PKHD1: variants seen among roughly 807,000 people sequenced by gnomAD.
PKHD1 encodes PKHD1 ciliary IPT domain containing fibrocystin/polyductin, also known as fibrocystin.
PKHD1 carries 291 observed loss-of-function variants against 412.0 expected under a neutral mutation model. The observed-to-expected ratio is 0.71, with a 90% CI of 0.64 to 0.78. PKHD1 has a LOEUF of 0.78. PKHD1 is among the 30% of genes least tolerant of loss of function. The pLI is 0.00. For missense variants in PKHD1, 4,825 were observed against 4,950.7 expected (o/e 0.97, Z 0.76); for synonymous variants, 1,777 against 1,821.5 (o/e 0.98, Z 0.62).
At chr6:52,008,649 A>G (rs1562118010) in intron 35 of PKHD1, among the ~76,000 whole-genome samples, 1 of 152,228 alleles carries the variant, frequency 6.6e-6, no homozygotes, top group Non-Finnish European at 1.5e-5. Flanking sequence ...TTCTAGCACT[A>G]TGACTAGTGA....
intron 35 of PKHD1, among the ~76,000 whole-genome samples, chr6:51,971,275 T>C (rs771348685): frequency 9.9e-5 from 15 of 152,246 alleles, no homozygotes; most frequent in Non-Finnish European, 1.8e-4. Flanking sequence ...AGAAAATTAA[T>C]ATGCCACTAT....
rs73431522 is a variant in PKHD1, at chr6:51,892,742, C to T, written c.6997-5497G>A. Reference sequence around the variant, plus strand: ...GGAAACTATTGATATCATTTAAAACCATTAGATGAGGCATCAGGCATTCCC... The same window carrying T: ...GGAAACTATTGATATCATTTAAAACTATTAGATGAGGCATCAGGCATTCCC... On this transcript the variant is annotated intron_variant, in intron 43 of 66. Coordinates refer to ENST00000371117, the MANE Select transcript of PKHD1 (RefSeq NM_138694.4). Among the ~76,000 whole-genome samples the T allele has an allele frequency of 9.9e-3, 1,506 of 152,156 alleles. 24 individuals carry two copies. The highest frequency in any genetic ancestry group is 0.034 in the African/African-American group (1,417 of 41,502).
intron 31 of PKHD1, 21 bp from the exon 32 acceptor site, chr6:52,026,202 GC>G: frequency 1.2e-6 from 2 of 1,608,722 alleles, no homozygotes; most frequent in Non-Finnish European, 1.7e-6. Context: ...AATACGGAAA[GC>G]AAAATATTAT....
At chr6:51,749,640 G>A (rs1785758811) in intron 57 of PKHD1, among the ~76,000 whole-genome samples, 1 of 152,066 alleles carries the variant, frequency 6.6e-6, no homozygotes, top group Admixed American at 6.6e-5. Context: ...AATCCTATGA[G>A]GTAGGTACAA....
intron 43 of PKHD1, among the ~76,000 whole-genome samples, chr6:51,893,418 G>A (rs1779405580): frequency 6.6e-6 from 1 of 152,112 alleles, no homozygotes; most frequent in Admixed American, 6.5e-5. Flanking sequence ...ATTTATAGGT[G>A]GGCAGGAGAC....
intron 36 of PKHD1, among the ~76,000 whole-genome samples, chr6:51,936,187 A>G (rs372653396): frequency 6.6e-6 from 1 of 152,220 alleles, no homozygotes; most frequent in African/African-American, 2.4e-5. Flanking sequence ...ATGAATGGAC[A>G]TATCTTTTTG....
chr6:52,029,571 T>A (rs1379886604), intron 29 of PKHD1, among the ~76,000 whole-genome samples: 1 of 151,996 alleles, frequency 6.6e-6, no homozygotes, highest in African/African-American at 2.4e-5. Flanking sequence ...AAGATGAGAG[T>A]TGAATTGGAG....
chr6:51,906,895 T>C (rs373150142), intron 40 of PKHD1, among the ~76,000 whole-genome samples: 12 of 152,268 alleles, frequency 7.9e-5, no homozygotes, highest in East Asian at 7.7e-4. Flanking sequence ...AAGAGGAAGC[T>C]ATCCTCTACT....
chr6:51,634,431 G>A (rs1040446831), intron 64 of PKHD1, among the ~76,000 whole-genome samples: 1 of 152,154 alleles, frequency 6.6e-6, no homozygotes, highest in Non-Finnish European at 1.5e-5. Flanking sequence ...ACAGAGATGG[G>A]GGAATAGACT....
Position 52,043,732 on chromosome 6 carries a change from T to C in PKHD1, c.2716-2A>G. The C allele has an allele frequency of 6.2e-7, 1 of 1,610,872 alleles. No individual in the cohort carries two copies. Among genetic ancestry groups the C allele is most frequent in the South Asian group, 1.1e-5 (1 of 91,016 alleles). ...TACATCATTCACTCGCACAACCACC[T>C]GAAATGAGGCAAAATTTCTTTTCCA... On this transcript the variant is annotated splice_acceptor_variant, in intron 25 of 66. Coordinates refer to ENST00000371117, the MANE Select transcript of PKHD1 (RefSeq NM_138694.4). LOFTEE classifies it high-confidence loss of function.
At position 51,836,440 on chromosome 6, in the gene PKHD1, G is replaced by A. The variant is rs1455345526; in HGVS notation, c.8137C>T (p.Leu2713Phe). The change falls in exon 51 of 67, where the codon CTC (leucine) becomes TTC (phenylalanine). Residue 2713 changes from leucine to phenylalanine, a missense_variant. Leu to Phe is a conservative substitution (Grantham distance 22). Transcript: ENST00000371117. ...VSGEGQVQVI[L>F]RVKEGMPPTI... ...GGGGGCATACCTTCCTTCACCCGGA[G>A]AATGACTTGAACTTGGCCTTCACCT... is the stretch of plus-strand genomic sequence containing the variant. The A allele has an allele frequency of 6.2e-7, 1 of 1,613,176 alleles. No homozygotes were observed. The highest frequency in any genetic ancestry group is 1.7e-5 in the Admixed American group (1 of 60,004).
At position 52,046,064 on chromosome 6, in the gene PKHD1, G is replaced by C. The variant is rs150202544; in HGVS notation, c.2532C>G (p.Tyr844Ter). Residue 844 changes from tyrosine (Y) to a stop codon, truncating the protein, a stop_gained, in exon 24 of 67, where the codon TAC becomes TAG. Transcript: ENST00000371117. LOFTEE classifies it high-confidence loss of function. Reference sequence around the variant, plus strand: ...ACCAGGACAAGGTCCACACGTGTTCGTAGCAAGTGTATAGATCCTCCTTCA... The same window carrying C: ...ACCAGGACAAGGTCCACACGTGTTCCTAGCAAGTGTATAGATCCTCCTTCA... The part of the protein sequence containing the change: ...FTVKEDLYTC[Y>*]EHVWTLSWST... 6.2e-7 allele frequency: 1 copy of C among 1,613,564 alleles called. No homozygotes were observed. Among genetic ancestry groups the C allele is most frequent in the Non-Finnish European group, 8.5e-7 (1 of 1,179,550 alleles).
intron 12 of PKHD1, among the ~76,000 whole-genome samples, chr6:52,065,564 TG>T (rs1437280153): frequency 6.6e-6 from 1 of 152,246 alleles, no homozygotes; most frequent in East Asian, 1.9e-4. Context: ...TTGCCAAGGT[TG>T]GGGTGCGGGG....
At chr6:51,850,252 T>C (rs1391242072) in intron 49 of PKHD1, among the ~76,000 whole-genome samples, 2 of 152,234 alleles carry the variant, frequency 1.3e-5, no homozygotes, top group South Asian at 4.1e-4. Flanking sequence ...CATCGGTCTA[T>C]ATGTCTGTTT....
At chr6:51,672,660 C>T (rs1024600801) in intron 60 of PKHD1, among the ~76,000 whole-genome samples, 1 of 152,050 alleles carries the variant, frequency 6.6e-6, no homozygotes, top group Non-Finnish European at 1.5e-5. Context: ...CTGGCTATGC[C>T]AAGGACAAAG....
intron 60 of PKHD1, among the ~76,000 whole-genome samples, chr6:51,713,835 C>T (rs1780926421): frequency 6.6e-6 from 1 of 152,190 alleles, no homozygotes; most frequent in South Asian, 2.1e-4. Flanking sequence ...CTAACAGACA[C>T]ATATCTGGTC....
intron 52 of PKHD1, among the ~76,000 whole-genome samples, chr6:51,829,590 A>G (rs928725699): frequency 6.6e-6 from 1 of 152,216 alleles, no homozygotes. Flanking sequence ...TCCATCAAAG[A>G]GAGGTGGTTT....
At chr6:51,888,101 G>A (rs565164520) in intron 43 of PKHD1, among the ~76,000 whole-genome samples, 2 of 152,338 alleles carry the variant, frequency 1.3e-5, no homozygotes, top group African/African-American at 2.4e-5. Flanking sequence ...TCTATTGGCT[G>A]AAGGCCACAT....
intron 52 of PKHD1, among the ~76,000 whole-genome samples, chr6:51,823,735 C>A (rs981142639): frequency 6.6e-6 from 1 of 152,074 alleles, no homozygotes; most frequent in African/African-American, 2.4e-5. Context: ...TGAAGAAAAG[C>A]ATATATAGTT....
Sources: gnomAD v4.1 joint callset for allele counts (sites outside exome capture counted in the v4.1 genomes callset) on GRCh38, gnomAD v4.1.1 for gene constraint, MANE v1.5 for transcripts, NCBI Gene and HGNC (gene_info 2026-07-23, HGNC 2026-07-21) for gene names.